FABP5: variants seen among roughly 807,000 people sequenced by gnomAD.
The protein encoded by FABP5 is fatty acid-binding protein 5.
In FABP5, 7 loss-of-function variants were observed where a neutral mutation model predicts 16.9. The observed-to-expected ratio is 0.41, with a 90% CI of 0.24 to 0.78. The LOEUF is 0.78. FABP5 is among the 30% of genes least tolerant of loss of function. FABP5 has a pLI of 0.30. For missense variants in FABP5, 119 were observed against 159.5 expected, an observed-to-expected ratio of 0.75 and a Z score of 1.37; for synonymous variants, 37 against 52.8, an observed-to-expected ratio of 0.70 and a Z score of 1.30.
rs1313914571 is a variant in FABP5, at chr8:81,282,163, TAAC to T, written c.80-1201_80-1199del. ...CGATTTACTGCACCTGTCCAATAAA[TAAC>T]AGTGTGTGTGTGTGTGTGTGTGTGT... is the stretch of plus-strand genomic sequence containing the variant. On this transcript the variant is annotated intron_variant, in intron 1 of 3. Transcript: ENST00000297258. 5.4e-5 allele frequency among the ~76,000 whole-genome samples: 6 copies of T among 111,136 alleles called. No homozygotes were observed. The South Asian group carries it at 1.1e-3, about 20-fold the overall frequency. 72.9% of individuals were successfully genotyped at this position (111,136 alleles called of 152,430 possible). A position where few individuals can be genotyped will look rare whatever the true frequency, so the allele number is the denominator to read the frequency against.
At chr8:81,284,455 C>T (rs1349911458) in intron 3 of FABP5, 59 bp from the exon 4 acceptor site, 1 of 1,109,372 alleles carries the variant, frequency 9.0e-7, no homozygotes, top group Non-Finnish European at 1.4e-6. Context: ...GTTTTAATAC[C>T]ACCACTGCTC....
Position 81,281,609 on chromosome 8 carries a change from G to T in FABP5, c.79+935G>T, listed in dbSNP as rs991667117. The T allele has an allele frequency of 1.4e-5, 14 of 985,330 alleles. No individual in the cohort carries two copies. The highest frequency in any genetic ancestry group is 1.6e-5 in the Non-Finnish European group (13 of 829,942). 61.0% of individuals were successfully genotyped at this position (985,330 alleles called of 1,614,324 possible). A position where few individuals can be genotyped will look rare whatever the true frequency, so the allele number is the denominator to read the frequency against. Reference sequence around the variant, plus strand: ...TCCTGCGGCTAACTGCATGCAAGATGGGTGTGGCCCTGCAGAAGGCAGATG... The same window carrying T: ...TCCTGCGGCTAACTGCATGCAAGATTGGTGTGGCCCTGCAGAAGGCAGATG... On this transcript the variant is annotated intron_variant, in intron 1 of 3. Transcript: ENST00000297258. The surrounding 1 kb of genome is among the most constrained non-coding windows in gnomAD (Gnocchi z 4.5).
In FABP5 at chr8:81,281,703, T is replaced by C. The variant is rs1272644679; in HGVS notation, c.79+1029T>C. On this transcript the variant is annotated intron_variant, in intron 1 of 3. Coordinates refer to ENST00000297258, the MANE Select transcript of FABP5 (RefSeq NM_001444.3). The surrounding 1 kb of genome is among the most constrained non-coding windows in gnomAD (Gnocchi z 4.5). ...ATTCATTTCTCACTCAAAACAGTGCTTCATTATAAATTACTGTCCTTTTCT... is the reference window on the plus strand; with the variant it reads ...ATTCATTTCTCACTCAAAACAGTGCCTCATTATAAATTACTGTCCTTTTCT... 1 of 979,556 alleles carries C rather than the reference T, an allele frequency of 1.0e-6. No homozygotes were observed. The highest frequency in any genetic ancestry group is 1.1e-4 in the East Asian group (1 of 8,804). The allele number at this position is 979,556 out of a possible 1,614,324, so 60.7% of individuals were successfully genotyped here. A position where few individuals can be genotyped will look rare whatever the true frequency, so the allele number is the denominator to read the frequency against.
At chr8:81,282,822 C>T (rs1016165715) in intron 1 of FABP5, among the ~76,000 whole-genome samples, 2 of 151,922 alleles carry the variant, frequency 1.3e-5, no homozygotes, top group African/African-American at 2.4e-5. Context: ...AAATATTTAT[C>T]GAGAACATTT....
rs1229444632 is a variant in FABP5 at position 81,281,564 on chromosome 8, T to G, written c.79+890T>G. The G allele has an allele frequency of 2.0e-6, 2 of 985,610 alleles. No individual in the cohort carries two copies. Among genetic ancestry groups the G allele is most frequent in the Non-Finnish European group, 2.4e-6 (2 of 830,192 alleles). 61.1% of individuals were successfully genotyped at this position (985,610 alleles called of 1,614,324 possible). A position where few individuals can be genotyped will look rare whatever the true frequency, so the allele number is the denominator to read the frequency against. ...GGCAGTGGGCTTTGCTGGAAAACCGTAACAGAAACTGCCTGGCCCTCCTGC... is the reference window on the plus strand; with the variant it reads ...GGCAGTGGGCTTTGCTGGAAAACCGGAACAGAAACTGCCTGGCCCTCCTGC... On this transcript the variant is annotated intron_variant, in intron 1 of 3. Coordinates refer to ENST00000297258, the MANE Select transcript of FABP5 (RefSeq NM_001444.3). The surrounding 1 kb of genome is among the most constrained non-coding windows in gnomAD (Gnocchi z 4.5).
chr8:81,283,292 T>G (rs1357861703), intron 1 of FABP5, 74 bp from the exon 2 acceptor site: 2 of 1,255,926 alleles, frequency 1.6e-6, no homozygotes, highest in Admixed American at 4.8e-5. Context: ...GTGATTACAA[T>G]GGAATTATTG....
chr8:81,283,248 C>A, intron 1 of FABP5, 118 bp from the exon 2 acceptor site: 2 of 842,646 alleles, frequency 2.4e-6, no homozygotes, highest in Non-Finnish European at 3.6e-6. Context: ...CAATAGTTAT[C>A]AATAAGCAAA....
In FABP5 at chr8:81,281,841, C is replaced by T. The variant is rs186320325; in HGVS notation, c.79+1167C>T. 6.6e-6 allele frequency among the ~76,000 whole-genome samples: 1 copy of T among 152,294 alleles called. No individual in the cohort carries two copies. The highest frequency in any genetic ancestry group is 2.4e-5 in the African/African-American group (1 of 41,556). ...ATGGAGTTAGCATAGCATGGATCCT[C>T]TCTGGAAGGGAGCTTCCAGCCCTAA... On this transcript the variant is annotated intron_variant, in intron 1 of 3. Transcript: ENST00000297258. The surrounding 1 kb of genome is among the most constrained non-coding windows in gnomAD (Gnocchi z 4.5).
Position 81,281,567 on chromosome 8 carries a change from C to G in FABP5, c.79+893C>G. 1.0e-6 allele frequency: 1 copy of G among 985,704 alleles called. No individual in the cohort carries two copies. The allele number at this position is 985,704 out of a possible 1,614,324, so 61.1% of individuals were successfully genotyped here. A position where few individuals can be genotyped will look rare whatever the true frequency, so the allele number is the denominator to read the frequency against. ...AGTGGGCTTTGCTGGAAAACCGTAA[C>G]AGAAACTGCCTGGCCCTCCTGCGGC... On this transcript the variant is annotated intron_variant, in intron 1 of 3. Coordinates refer to ENST00000297258, the MANE Select transcript of FABP5 (RefSeq NM_001444.3). This position sits in a 1 kb window ranked among gnomAD's most constrained non-coding sequence, Gnocchi z 4.5.
chr8:81,281,715 T>C lies in FABP5; in HGVS notation c.79+1041T>C. 1 of 967,780 alleles carries C rather than the reference T, an allele frequency of 1.0e-6. No homozygotes were observed. The highest frequency in any genetic ancestry group is 1.2e-6 in the Non-Finnish European group (1 of 813,880). The allele number at this position is 967,780 out of a possible 1,614,324, so 59.9% of individuals were successfully genotyped here. ...CTCAAAACAGTGCTTCATTATAAAT[T>C]ACTGTCCTTTTCTATGCCAGTGACA... On this transcript the variant is annotated intron_variant, in intron 1 of 3. Coordinates refer to ENST00000297258, the MANE Select transcript of FABP5 (RefSeq NM_001444.3). The surrounding 1 kb of genome is among the most constrained non-coding windows in gnomAD (Gnocchi z 4.5).
rs1807882810 is a variant in FABP5, at chr8:81,284,566, A to T, written c.407A>T (p.Ter136LeuextTer56). ...TCTRIYEKVE[*>L] ...ACTCGGATCTATGAAAAAGTAGAAT[A>T]AAAATTCCATCATCACTTTGGACAG... The change falls in exon 4 of 4, where the codon TAA (stop) becomes TTA (leucine). Residue 136 changes from the stop codon to leucine (L), a stop_lost. Coordinates refer to ENST00000297258, the MANE Select transcript of FABP5 (RefSeq NM_001444.3). 1 of 1,567,702 alleles carries T rather than the reference A, an allele frequency of 6.4e-7. No homozygotes were observed. The highest frequency in any genetic ancestry group is 1.7e-5 in the Admixed American group (1 of 59,866).
chr8:81,284,652 C>CTT lies in FABP5; in HGVS notation c.*94_*95dup. 1.6e-5 allele frequency: 10 copies of CTT among 637,006 alleles called. No homozygotes were observed. The highest frequency in any genetic ancestry group is 2.0e-5 in the South Asian group (1 of 50,364). The allele number at this position is 637,006 out of a possible 1,614,324, so 39.5% of individuals were successfully genotyped here. On this transcript the variant is annotated 3_prime_UTR_variant, in exon 4 of 4. Coordinates refer to ENST00000297258, the MANE Select transcript of FABP5 (RefSeq NM_001444.3). The stretch of plus-strand genomic sequence containing the variant: ...GAGCAAATCTCCATACTGTTTCTTT[C>CTT]TTTTTTTTTTCATTACTGTGTTCAA...
chr8:81,283,526 C>CAGAAAAACTCAGGTCAGTCGTG lies in FABP5; in HGVS notation c.242_252+11dup. ...AGTTTGAAGAAACCACAGCTGATGG[C>CAGAAAAACTCAGGTCAGTCGTG]AGAAAAACTCAGGTCAGTCGTGACA... On this transcript the variant is annotated frameshift_variant, in exon 2 of 4. Transcript: ENST00000297258. LOFTEE classifies it high-confidence loss of function. The CAGAAAAACTCAGGTCAGTCGTG allele has an allele frequency of 1.2e-6, 2 of 1,609,816 alleles. No individual in the cohort carries two copies. The highest frequency in any genetic ancestry group is 1.7e-6 in the Non-Finnish European group (2 of 1,178,766).
Position 81,280,605 on chromosome 8 carries a change from G to A in FABP5, c.10G>A (p.Val4Ile). ...CCCGCCCGCACCCACCATGGCCACAGTTCAGCAGCTGGAAGGAAGATGGCG... is the reference window on the plus strand; with the variant it reads ...CCCGCCCGCACCCACCATGGCCACAATTCAGCAGCTGGAAGGAAGATGGCG... Reference protein sequence around the residue: MATVQQLEGRWRLV... With the variant: MATIQQLEGRWRLV... The change falls in exon 1 of 4, where the codon GTT becomes ATT. Residue 4 changes from valine to isoleucine, a missense_variant. Coordinates refer to ENST00000297258, the MANE Select transcript of FABP5 (RefSeq NM_001444.3). 6.4e-7 allele frequency: 1 copy of A among 1,556,304 alleles called. No individual in the cohort carries two copies. Among genetic ancestry groups the A allele is most frequent in the Non-Finnish European group, 8.7e-7 (1 of 1,149,088 alleles).
In FABP5 at chr8:81,281,335, G is replaced by A; in HGVS notation, c.79+661G>A. 1 of 985,498 alleles carries A rather than the reference G, an allele frequency of 1.0e-6. No individual in the cohort carries two copies. The highest frequency in any genetic ancestry group is 1.2e-6 in the Non-Finnish European group (1 of 829,986). The allele number at this position is 985,498 out of a possible 1,614,324, so 61.0% of individuals were successfully genotyped here. On this transcript the variant is annotated intron_variant, in intron 1 of 3. Transcript: ENST00000297258. This position sits in a 1 kb window ranked among gnomAD's most constrained non-coding sequence, Gnocchi z 4.5. ...CCAGGTCCTCTGCTCGCCCTTACCA[G>A]TTGAGCCGAACCCTTTGGATTGGTA...
rs865919231 is a variant in FABP5, at chr8:81,281,009, C to G, written c.79+335C>G. 1 of 264,254 alleles carries G rather than the reference C, an allele frequency of 3.8e-6. No individual in the cohort carries two copies. The highest frequency in any genetic ancestry group is 5.9e-5 in the South Asian group (1 of 16,818). 16.4% of individuals were successfully genotyped at this position (264,254 alleles called of 1,614,324 possible). On this transcript the variant is annotated intron_variant, in intron 1 of 3. Transcript: ENST00000297258. The surrounding 1 kb of genome is among the most constrained non-coding windows in gnomAD (Gnocchi z 4.5). ...CTTCCTGTCCTTTAGCGCGCGCACC[C>G]GTCACCTCACGCTGCACTTCTTTCG... is the stretch of plus-strand genomic sequence containing the variant.
At position 81,281,197 on chromosome 8, in the gene FABP5, C is replaced by T. The variant is rs998168524; in HGVS notation, c.79+523C>T. The T allele has an allele frequency of 5.9e-6, 2 of 339,762 alleles. No individual in the cohort carries two copies. The highest frequency in any genetic ancestry group is 2.2e-5 in the African/African-American group (1 of 45,012). 21.0% of individuals were successfully genotyped at this position (339,762 alleles called of 1,614,324 possible). A position where few individuals can be genotyped will look rare whatever the true frequency, so the allele number is the denominator to read the frequency against. On this transcript the variant is annotated intron_variant, in intron 1 of 3. Coordinates refer to ENST00000297258, the MANE Select transcript of FABP5 (RefSeq NM_001444.3). This position sits in a 1 kb window ranked among gnomAD's most constrained non-coding sequence, Gnocchi z 4.5. Reference sequence around the variant, plus strand: ...TCCCTGTGGCGCGCAGGTCACCCTCCGTTTTCTTCATGGGGACGCGGTGCT... The same window carrying T: ...TCCCTGTGGCGCGCAGGTCACCCTCTGTTTTCTTCATGGGGACGCGGTGCT...
At chr8:81,282,377 A>C (rs977607513) in intron 1 of FABP5, among the ~76,000 whole-genome samples, 2 of 152,224 alleles carry the variant, frequency 1.3e-5, no homozygotes, top group African/African-American at 4.8e-5. Context: ...GTGAGAGTAC[A>C]TAATGACTCA....
intron 1 of FABP5, 187 bp from the exon 2 acceptor site, chr8:81,283,179 A>C: frequency 2.0e-6 from 1 of 489,342 alleles, no homozygotes; most frequent in Non-Finnish European, 3.6e-6. Context: ...GGCTGTTGTA[A>C]GGCTTACCTG....
Sources: allele counts gnomAD v4.1 joint callset (sites outside exome capture counted in the v4.1 genomes callset), GRCh38; gene constraint gnomAD v4.1.1; non-coding constraint Gnocchi (gnomAD v3.1); transcripts MANE v1.5; gene names NCBI Gene and HGNC (gene_info 2026-07-23, HGNC 2026-07-21).